Variants in ANO3 observed in about 807,000 individuals in gnomAD.
ANO3 encodes the protein anoctamin-3.
A neutral mutation model predicts 144.8 loss-of-function variants in ANO3; 99 were observed. The ratio of observed to expected loss-of-function variants is 0.68; its 90% CI spans 0.58 to 0.81. ANO3 has a LOEUF of 0.81. Ranked by LOEUF, ANO3 falls within the 30% of genes least tolerant of loss-of-function variation. The pLI is 0.00. For synonymous variants in ANO3, 414 were observed against 392.6 expected, an observed-to-expected ratio of 1.05 and a Z score of -0.64; for missense variants, 905 against 1,202.2, an observed-to-expected ratio of 0.75 and a Z score of 3.66.
chr11:26,452,245 C>T (rs530295735), intron 3 of ANO3, among the ~76,000 whole-genome samples: 5 of 152,290 alleles, frequency 3.3e-5, no homozygotes, highest in East Asian at 3.9e-4. Flanking sequence ...ATGACTTTGA[C>T]GAGCTGAGAG....
At chr11:26,519,324 T>A (rs1214752991) in intron 6 of ANO3, among the ~76,000 whole-genome samples, 1 of 152,236 alleles carries the variant, frequency 6.6e-6, no homozygotes, top group East Asian at 1.9e-4. Flanking sequence ...ATATTTGCCA[T>A]GATTCCAGAA....
chr11:26,332,292 G>T lies in ANO3; in HGVS notation c.17G>T (p.Gly6Val), dbSNP rs762765259. Residue 6 changes from glycine to valine, a missense_variant, in exon 1 of 27, where the codon GGC becomes GTC. By Grantham distance (109) the Gly-to-Val change is moderately radical. Coordinates refer to ENST00000256737, the MANE Select transcript of ANO3 (RefSeq NM_031418.4). MVHHS[G>V]SIQSFKQQKG... ...AGAGTGAAAATGGTCCACCATTCAG[G>T]CTCCATTCAGTCCTTTAAACAGCAA... is the stretch of plus-strand genomic sequence containing the variant. The T allele has an allele frequency of 8.1e-6, 13 of 1,613,918 alleles. No homozygotes were observed. The highest frequency in any genetic ancestry group is 3.3e-4 in the Middle Eastern group (2 of 6,062).
At chr11:26,452,943 C>G (rs370283300) in intron 3 of ANO3, among the ~76,000 whole-genome samples, 31 of 152,188 alleles carry the variant, frequency 2.0e-4, no homozygotes, top group East Asian at 1.7e-3. Flanking sequence ...TTAAAGAAAA[C>G]AATTTTCAAC....
chr11:26,661,613 G>A lies in ANO3; in HGVS notation c.*1169G>A, dbSNP rs2133109240. The A allele has an allele frequency of 6.6e-6, 1 of 152,196 alleles. No homozygotes were observed. The highest frequency in any genetic ancestry group is 3.4e-3 in the Middle Eastern group (1 of 294). The allele number at this position is 152,196 out of a possible 1,614,324, so 9.4% of individuals were successfully genotyped here. On this transcript the variant is annotated 3_prime_UTR_variant, in exon 27 of 27. Coordinates refer to ENST00000256737, the MANE Select transcript of ANO3 (RefSeq NM_031418.4). ...TTAGTTTCTTTTTTCATGACTGAAG[G>A]GAGTTTTATGTTATTATTTCTTCCA... is the stretch of plus-strand genomic sequence containing the variant.
At chr11:26,595,683 G>A (rs753512674) in intron 14 of ANO3, among the ~76,000 whole-genome samples, 15 of 151,886 alleles carry the variant, frequency 9.9e-5, no homozygotes, top group African/African-American at 1.5e-4. Flanking sequence ...AGGTCTGATC[G>A]GACTTTGTAT....
chr11:26,390,623 A>G (rs1206174960), intron 1 of ANO3, among the ~76,000 whole-genome samples: 1 of 152,194 alleles, frequency 6.6e-6, no homozygotes, highest in Non-Finnish European at 1.5e-5. Flanking sequence ...TATGAACTTC[A>G]TAATGTAAGC....
chr11:26,389,363 A>T (rs1856817539), intron 1 of ANO3, among the ~76,000 whole-genome samples: 1 of 152,090 alleles, frequency 6.6e-6, no homozygotes, highest in South Asian at 2.1e-4. Context: ...TATTAATCAT[A>T]GGTACCTACC....
At chr11:26,552,625 G>A (rs1169873785) in intron 12 of ANO3, among the ~76,000 whole-genome samples, 1 of 151,998 alleles carries the variant, frequency 6.6e-6, no homozygotes. Flanking sequence ...TTTCTTAAAG[G>A]CAGTGGACAT....
intron 1 of ANO3, among the ~76,000 whole-genome samples, chr11:26,412,376 TAGGG>T (rs1382080498): frequency 1.3e-5 from 2 of 151,990 alleles, no homozygotes; most frequent in Non-Finnish European, 2.9e-5. Flanking sequence ...TAGACAAAAA[TAGGG>T]AGGTCAAATA....
chr11:26,501,018 G>T lies in ANO3; in HGVS notation c.433-7086G>T, dbSNP rs559813654. Reference sequence around the variant, plus strand: ...ATCTTTTAATTTAACATTAAAAATTGCCATAAAAGGATACAGAAAGTAAAA... The same window carrying T: ...ATCTTTTAATTTAACATTAAAAATTTCCATAAAAGGATACAGAAAGTAAAA... On this transcript the variant is annotated intron_variant, in intron 4 of 26. Coordinates refer to ENST00000256737, the MANE Select transcript of ANO3 (RefSeq NM_031418.4). Among the ~76,000 whole-genome samples, 6 of 152,166 alleles carry T rather than the reference G, an allele frequency of 3.9e-5. No homozygotes were observed. In the East Asian group the frequency reaches 1.2e-3, roughly 29 times the overall value.
chr11:26,303,049 C>T (rs1854274321), intron 1 of ANO3, among the ~76,000 whole-genome samples: 1 of 152,126 alleles, frequency 6.6e-6, no homozygotes, highest in Non-Finnish European at 1.5e-5. Flanking sequence ...ATAACAAATG[C>T]TAGTGAGGCT....
intron 1 of ANO3, among the ~76,000 whole-genome samples, chr11:26,418,840 T>G (rs569792423): frequency 9.2e-5 from 14 of 152,066 alleles, no homozygotes; most frequent in Non-Finnish European, 1.6e-4. Flanking sequence ...GCACATGTTA[T>G]AGGATGAAGA....
intron 18 of ANO3, among the ~76,000 whole-genome samples, chr11:26,632,215 A>T (rs981114385): frequency 1.4e-5 from 2 of 147,556 alleles, no homozygotes; most frequent in African/African-American, 5.1e-5. Flanking sequence ...AAAGATACAC[A>T]GTGTTTGACT....
At position 26,203,756 on chromosome 11, in the gene ANO3, T is replaced by C. The variant is rs570656364; in HGVS notation, c.154+14426T>C. ...GTTATAATCTTGCATCTACTGTTTG[T>C]CATGTGCCTTTAACTAAAAATAGTT... On this transcript the variant is annotated intron_variant, in intron 1 of 27. Coordinates refer to the ANO3 transcript ENST00000672621. 1.1e-4 allele frequency among the ~76,000 whole-genome samples: 17 copies of C among 152,256 alleles called. No individual in the cohort carries two copies. In the East Asian group the frequency reaches 1.5e-3, roughly 14 times the overall value.
intron 1 of ANO3, among the ~76,000 whole-genome samples, chr11:26,389,201 G>GA (rs922312579): frequency 1.3e-5 from 2 of 151,896 alleles, no homozygotes. Context: ...TTTCTCTTAG[G>GA]AAAAAAATGT....
At chr11:26,455,455 G>A (rs1859116992) in intron 3 of ANO3, among the ~76,000 whole-genome samples, 2 of 152,056 alleles carry the variant, frequency 1.3e-5, no homozygotes, top group Admixed American at 1.3e-4. Context: ...CAAATCATGA[G>A]TGAACTCCCA....
At chr11:26,276,520 T>C (rs1339424626) in intron 1 of ANO3, among the ~76,000 whole-genome samples, 1 of 152,150 alleles carries the variant, frequency 6.6e-6, no homozygotes, top group Non-Finnish European at 1.5e-5. Context: ...CATGCTGGTG[T>C]TCAAATAGGG....
intron 6 of ANO3, among the ~76,000 whole-genome samples, chr11:26,518,021 C>A (rs1404866581): frequency 6.6e-6 from 1 of 151,858 alleles, no homozygotes; most frequent in Non-Finnish European, 1.5e-5. Context: ...TCTCTATAGA[C>A]TTGATATTTA....
At chr11:26,579,888 C>T (rs962793690) in intron 14 of ANO3, among the ~76,000 whole-genome samples, 3 of 152,008 alleles carry the variant, frequency 2.0e-5, no homozygotes, top group African/African-American at 7.2e-5. Context: ...GTTTCTTACA[C>T]ATGAAGCTGG....
Sources: allele counts gnomAD v4.1 joint callset (sites outside exome capture counted in the v4.1 genomes callset), GRCh38; gene constraint gnomAD v4.1.1; transcripts MANE v1.5; gene names NCBI Gene and HGNC (gene_info 2026-07-23, HGNC 2026-07-21).